PIM3: variants seen among roughly 807,000 people sequenced by gnomAD.
PIM3 encodes the protein Pim-3 proto-oncogene, serine/threonine kinase.
A neutral mutation model predicts 27.5 loss-of-function variants in PIM3; 13 were observed. That is an observed-to-expected ratio of 0.47 (90% CI 0.31 to 0.75). The LOEUF is 0.75. Ranked by LOEUF, PIM3 falls within the 30% of genes least tolerant of loss-of-function variation. The pLI, the probability that PIM3 is intolerant of heterozygous loss-of-function variation, is 0.05. For synonymous variants in PIM3, 341 were observed against 221.1 expected (o/e 1.54, Z -4.81); for missense variants, 482 against 476.9 (o/e 1.01, Z -0.10).
Position 49,963,617 on chromosome 22 carries a change from C to G in PIM3, c.*490C>G, listed in dbSNP as rs889965441. On this transcript the variant is annotated 3_prime_UTR_variant, in exon 6 of 6. Transcript: ENST00000360612. ...CCCCCTGGAGGTGCCCTCGGCCCAC[C>G]GGGGCTATTTATTGTTTAATTTATT... The G allele has an allele frequency of 6.5e-6, 1 of 154,054 alleles. No individual in the cohort carries two copies. The highest frequency in any genetic ancestry group is 6.5e-5 in the Admixed American group (1 of 15,310). 9.5% of individuals were successfully genotyped at this position (154,054 alleles called of 1,614,324 possible).
chr22:49,961,805 T>C lies in PIM3; in HGVS notation c.610T>C (p.Phe204Leu). ...ALLKDTVYTD[F>L]DGTRVYSPPE... The stretch of plus-strand genomic sequence containing the variant: ...GCTCAAGGACACGGTCTACACCGAC[T>C]TCGACGGTGAGCGCGGGCGCGGGGC... Residue 204 changes from phenylalanine (F) to leucine (L), a missense_variant, in exon 4 of 6, where the codon TTC (phenylalanine) becomes CTC (leucine). Physicochemically the swap from Phe to Leu is conservative, Grantham distance 22. Transcript: ENST00000360612. 6.2e-7 allele frequency: 1 copy of C among 1,608,432 alleles called. No individual in the cohort carries two copies. Among genetic ancestry groups the C allele is most frequent in the Non-Finnish European group, 8.5e-7 (1 of 1,177,816 alleles).
rs546990546 is a variant in PIM3 at position 49,963,331 on chromosome 22, T to C, written c.*204T>C. ...TCAAGCTCTGTCTGTCCAAAGACGC[T>C]CCGGTCGAGGTCCCGCCTGCCCTGG... On this transcript the variant is annotated 3_prime_UTR_variant, in exon 6 of 6. Coordinates refer to ENST00000360612, the MANE Select transcript of PIM3 (RefSeq NM_001001852.4). 8.5e-6 allele frequency: 5 copies of C among 585,308 alleles called. No homozygotes were observed. Among genetic ancestry groups the C allele is most frequent in the African/African-American group, 5.7e-5 (3 of 52,392 alleles). The allele number at this position is 585,308 out of a possible 1,614,324, so 36.3% of individuals were successfully genotyped here. A position where few individuals can be genotyped will look rare whatever the true frequency, so the allele number is the denominator to read the frequency against.
chr22:49,962,263 G>T (rs1014669739), intron 4 of PIM3, among the ~76,000 whole-genome samples: 2 of 151,780 alleles, frequency 1.3e-5, no homozygotes, highest in African/African-American at 4.8e-5. Context: ...TGCGGAGCGC[G>T]GGGGCGCGGC....
Position 49,963,564 on chromosome 22 carries a change from G to C in PIM3, c.*437G>C, listed in dbSNP as rs1384885109. On this transcript the variant is annotated 3_prime_UTR_variant, in exon 6 of 6. Transcript: ENST00000360612. ...CCGCCCGCCCACGCGAGCCGTACCC[G>C]CCGCCAACTCTGTTATTTATGGTGT... 1 of 158,826 alleles carries C rather than the reference G, an allele frequency of 6.3e-6. No individual in the cohort carries two copies. Among genetic ancestry groups the C allele is most frequent in the Non-Finnish European group, 1.4e-5 (1 of 71,990 alleles). 9.8% of individuals were successfully genotyped at this position (158,826 alleles called of 1,614,324 possible).
Position 49,960,834 on chromosome 22 carries a change from G to A in PIM3, c.-114G>A, listed in dbSNP as rs2060901895. The A allele has an allele frequency of 2.9e-5, 21 of 734,802 alleles. 1 individual carries two copies. In the South Asian group the frequency reaches 1.2e-3, roughly 44 times the overall value. The allele number at this position is 734,802 out of a possible 1,614,324, so 45.5% of individuals were successfully genotyped here. ...CCCGCGGGCCTTCCGGGCCCACTGC[G>A]CCGCGCGGACCGCCTCGGGCTCGGA... On this transcript the variant is annotated 5_prime_UTR_variant, in exon 1 of 6. Coordinates refer to ENST00000360612, the MANE Select transcript of PIM3 (RefSeq NM_001001852.4).
rs534970726 is a variant in PIM3 at position 49,963,498 on chromosome 22, G to A, written c.*371G>A. The stretch of plus-strand genomic sequence containing the variant: ...CCCTCAGTCCTGCGGTGTGCGTCTG[G>A]GCACGTCCTGCACACACAATGCAAG... On this transcript the variant is annotated 3_prime_UTR_variant, in exon 6 of 6. Transcript: ENST00000360612. 1 of 196,692 alleles carries A rather than the reference G, an allele frequency of 5.1e-6. No homozygotes were observed. Among genetic ancestry groups the A allele is most frequent in the South Asian group, 9.7e-5 (1 of 10,354 alleles). 12.2% of individuals were successfully genotyped at this position (196,692 alleles called of 1,614,324 possible). A position where few individuals can be genotyped will look rare whatever the true frequency, so the allele number is the denominator to read the frequency against.
Position 49,961,156 on chromosome 22 carries a change from G to C in PIM3, c.117G>C (p.Ala39=). Residue 39 remains alanine, a synonymous_variant, in exon 2 of 6, where the codon GCG becomes GCC. Coordinates refer to ENST00000360612, the MANE Select transcript of PIM3 (RefSeq NM_001001852.4). ...AKADKESFEK[A]YQVGAVLGSG... ...CGGACAAGGAGAGCTTCGAGAAGGCGTACCAGGTGGGCGCCGTGCTGGGTA... is the reference window on the plus strand; with the variant it reads ...CGGACAAGGAGAGCTTCGAGAAGGCCTACCAGGTGGGCGCCGTGCTGGGTA... 1 of 1,527,662 alleles carries C rather than the reference G, an allele frequency of 6.5e-7. No individual in the cohort carries two copies. The highest frequency in any genetic ancestry group is 8.8e-7 in the Non-Finnish European group (1 of 1,140,908). 94.6% of individuals were successfully genotyped at this position (1,527,662 alleles called of 1,614,324 possible).
chr22:49,961,125 C>CCAAGG lies in PIM3; in HGVS notation c.88_92dup (p.Asp32ArgfsTer39). Reference sequence around the variant, plus strand: ...CAACCCCGCCCGCGCCTCCCTGCAGCCAAGGCGGACAAGGAGAGCTTCGAG... The same window carrying CCAAGG: ...CAACCCCGCCCGCGCCTCCCTGCAGCCAAGGCAAGGCGGACAAGGAGAGCTTCGAG... On this transcript the variant is annotated frameshift_variant and splice_region_variant, in exon 2 of 6. Coordinates refer to ENST00000360612, the MANE Select transcript of PIM3 (RefSeq NM_001001852.4). LOFTEE classifies it high-confidence loss of function. 2 of 1,492,482 alleles carry CCAAGG rather than the reference C, an allele frequency of 1.3e-6. No homozygotes were observed. Among genetic ancestry groups the CCAAGG allele is most frequent in the Non-Finnish European group, 1.8e-6 (2 of 1,121,978 alleles). The allele number at this position is 1,492,482 out of a possible 1,614,324, so 92.5% of individuals were successfully genotyped here.
At chr22:49,962,550 C>T (rs966129056) in intron 4 of PIM3, 139 bp from the exon 5 acceptor site, 2 of 1,031,224 alleles carry the variant, frequency 1.9e-6, no homozygotes, top group Non-Finnish European at 1.4e-6. Context: ...GGGGTTTTTC[C>T]AGGGTGATGA....
At position 49,962,540 on chromosome 22, in the gene PIM3, G is replaced by A. The variant is rs1319724439; in HGVS notation, c.617-149G>A. 2.0e-5 allele frequency: 17 copies of A among 853,292 alleles called. 1 individual carries two copies. In the East Asian group the frequency reaches 4.4e-4, roughly 22 times the overall value. The allele number at this position is 853,292 out of a possible 1,614,324, so 52.9% of individuals were successfully genotyped here. A position where few individuals can be genotyped will look rare whatever the true frequency, so the allele number is the denominator to read the frequency against. On this transcript the variant is annotated intron_variant, in intron 4 of 5. Transcript: ENST00000360612. ...TCCCCCAGCCCCCCCATCGCCTGCC[G>A]GGGTTTTTCCAGGGTGATGACGAGC...
chr22:49,961,286 C>G, intron 2 of PIM3, 32 bp from the exon 3 acceptor site: 1 of 1,542,470 alleles, frequency 6.5e-7, no homozygotes, highest in Middle Eastern at 1.9e-4. Context: ...TTGCGCCTCG[C>G]TTGGCCCGGC....
At position 49,962,674 on chromosome 22, in the gene PIM3, C is replaced by T. The variant is rs376891309; in HGVS notation, c.617-15C>T. ...TGCCTCTGTGGTGGGCGTGCTAAGC[C>T]CTGTGTCCCCTTAGGCACCCGAGTG... On this transcript the variant is annotated splice_polypyrimidine_tract_variant and intron_variant, in intron 4 of 5. Transcript: ENST00000360612. 39 of 1,604,476 alleles carry T rather than the reference C, an allele frequency of 2.4e-5. No individual in the cohort carries two copies. Among genetic ancestry groups the T allele is most frequent in the Non-Finnish European group, 2.9e-5 (34 of 1,176,192 alleles).
At position 49,963,977 on chromosome 22, in the gene PIM3, G is replaced by A. The variant is rs117325373; in HGVS notation, c.*850G>A. 1,221 of 152,520 alleles carry A rather than the reference G, an allele frequency of 8.0e-3. 16 individuals carry two copies. The highest frequency in any genetic ancestry group is 0.042 in the South Asian group (203 of 4,832). The allele number at this position is 152,520 out of a possible 1,614,324, so 9.4% of individuals were successfully genotyped here. On this transcript the variant is annotated 3_prime_UTR_variant, in exon 6 of 6. Transcript: ENST00000360612. ...TGTTTGTGTGAATGCGGTGTGTGCA[G>A]GCATCGCAGATGGGGGTTCTTTCAG...
rs897875137 is a variant in PIM3 at position 49,963,183 on chromosome 22, G to T, written c.*56G>T. 5.5e-6 allele frequency: 8 copies of T among 1,464,472 alleles called. No individual in the cohort carries two copies. The highest frequency in any genetic ancestry group is 7.3e-6 in the Non-Finnish European group (8 of 1,101,564). 90.7% of individuals were successfully genotyped at this position (1,464,472 alleles called of 1,614,324 possible). On this transcript the variant is annotated 3_prime_UTR_variant, in exon 6 of 6. Coordinates refer to ENST00000360612, the MANE Select transcript of PIM3 (RefSeq NM_001001852.4). ...CACCTGCCTTGGCCAGACCTGGGAC[G>T]CCCCCAGACCCTGACTTTCTCCTGC...
chr22:49,961,303 C>T lies in PIM3; in HGVS notation c.196-15C>T, dbSNP rs774670494. 4 of 1,543,966 alleles carry T rather than the reference C, an allele frequency of 2.6e-6. No homozygotes were observed. The highest frequency in any genetic ancestry group is 3.5e-6 in the Non-Finnish European group (4 of 1,150,164). The stretch of plus-strand genomic sequence containing the variant: ...GCGCCTCGCTTGGCCCGGCCTGACC[C>T]CCGCGTCTCCGCAGGTGGCTGTGAA... On this transcript the variant is annotated splice_polypyrimidine_tract_variant and intron_variant, in intron 2 of 5. Transcript: ENST00000360612.
chr22:49,962,537 GC>G, intron 4 of PIM3, 151 bp from the exon 5 acceptor site: 1 of 889,182 alleles, frequency 1.1e-6, no homozygotes. Context: ...CCCATCGCCT[GC>G]CGGGGTTTTT....
Position 49,961,447 on chromosome 22 carries a change from C to T in PIM3, c.252C>T (p.Gly84=). 1 of 1,430,676 alleles carries T rather than the reference C, an allele frequency of 7.0e-7. No homozygotes were observed. Among genetic ancestry groups the T allele is most frequent in the Non-Finnish European group, 9.1e-7 (1 of 1,097,688 alleles). The allele number at this position is 1,430,676 out of a possible 1,614,324, so 88.6% of individuals were successfully genotyped here. A position where few individuals can be genotyped will look rare whatever the true frequency, so the allele number is the denominator to read the frequency against. Residue 84 remains glycine, a synonymous_variant, in exon 4 of 6, where the codon GGC becomes GGT. Transcript: ENST00000360612. ...ERVTEWGSLG[G]ATVPLEVVLL... ...CTGACCGCCGTGTCCCCCAGGGCGG[C>T]GCGACCGTGCCCCTGGAGGTGGTGC...
rs1323880286 is a variant in PIM3, at chr22:49,961,689, G to A, written c.494G>A (p.Gly165Glu). 6.9e-6 allele frequency: 11 copies of A among 1,600,530 alleles called. No individual in the cohort carries two copies. Among genetic ancestry groups the A allele is most frequent in the Non-Finnish European group, 8.5e-6 (10 of 1,174,618 alleles). The change falls in exon 4 of 6, where the codon GGG becomes GAG. Residue 165 changes from glycine to glutamate, a missense_variant. Physicochemically the swap from Gly to Glu is moderately conservative, Grantham distance 98 (BLOSUM62 -2). Coordinates refer to ENST00000360612, the MANE Select transcript of PIM3 (RefSeq NM_001001852.4). ...LAAVRHCHSCGVVHRDIKDEN... is the reference protein window; with the variant it reads ...LAAVRHCHSCEVVHRDIKDEN... ...GCCGTGCGCCACTGCCACAGCTGCG[G>A]GGTCGTGCACCGCGACATTAAGGAC...
In PIM3 at chr22:49,960,801, A is replaced by ACGCGGTCCC; in HGVS notation, c.-141_-133dup. On this transcript the variant is annotated 5_prime_UTR_variant, in exon 1 of 6. Coordinates refer to ENST00000360612, the MANE Select transcript of PIM3 (RefSeq NM_001001852.4). ...GAGGCGCTCCGCCTGCTGCGCGTCT[A>ACGCGGTCCC]CGCGGTCCCCGCGGGCCTTCCGGGC... The ACGCGGTCCC allele has an allele frequency of 2.9e-6, 1 of 345,800 alleles. No individual in the cohort carries two copies. The highest frequency in any genetic ancestry group is 4.2e-6 in the Non-Finnish European group (1 of 238,212). The allele number at this position is 345,800 out of a possible 1,614,324, so 21.4% of individuals were successfully genotyped here.
Sources: allele counts gnomAD v4.1 joint callset (sites outside exome capture counted in the v4.1 genomes callset), GRCh38; gene constraint gnomAD v4.1.1; transcripts MANE v1.5; gene names NCBI Gene and HGNC (gene_info 2026-07-23, HGNC 2026-07-21).